DNMT1: variants seen among roughly 807,000 people sequenced by gnomAD.
DNMT1 encodes the protein DNA (cytosine-5)-methyltransferase 1.
In DNMT1, 24 loss-of-function variants were observed where a neutral mutation model predicts 205.3. The observed-to-expected ratio is 0.12, with a 90% CI of 0.08 to 0.16. DNMT1 has a LOEUF of 0.16. DNMT1 is among the 10% of genes least tolerant of loss of function. The pLI, the probability that DNMT1 is intolerant of heterozygous loss-of-function variation, is 1.00. For synonymous variants in DNMT1, 817 were observed against 839.8 expected (o/e 0.97, Z 0.47); for missense variants, 1,293 against 2,177.7 (o/e 0.59, Z 8.09).
At chr19:10,166,554 C>T (rs1156605938) in intron 11 of DNMT1, 44 bp downstream of exon 11, 1 of 1,612,030 alleles carries the variant, frequency 6.2e-7, no homozygotes, top group Non-Finnish European at 8.5e-7. Flanking sequence ...CAAACAGGAG[C>T]AGAAGAATGA....
intron 12 of DNMT1, chr19:10,162,963 GCT>G (rs2038607655): frequency 7.6e-6 from 4 of 526,036 alleles, no homozygotes; most frequent in South Asian, 4.9e-5. Flanking sequence ...TCTAGAACAG[GCT>G]TTTTTTTTTT....
intron 33 of DNMT1, 107 bp from the exon 34 acceptor site, chr19:10,139,924 T>C: frequency 6.3e-7 from 1 of 1,580,470 alleles, no homozygotes; most frequent in Non-Finnish European, 8.6e-7. Flanking sequence ...CTCTCCCTGG[T>C]GAGAGCTGAG....
intron 28 of DNMT1, 117 bp from the exon 29 acceptor site, chr19:10,144,104 G>A: frequency 9.6e-7 from 1 of 1,040,072 alleles, no homozygotes; most frequent in South Asian, 1.3e-5. Flanking sequence ...ATTAAGGTAG[G>A]TGTGTACCCT....
At position 10,138,374 on chromosome 19, in the gene DNMT1, C is replaced by CA. The variant is rs2089533889; in HGVS notation, c.4115+64dup. 6 of 1,610,094 alleles carry CA rather than the reference C, an allele frequency of 3.7e-6. No homozygotes were observed. In the Admixed American group the frequency reaches 1.0e-4, roughly 27 times the overall value. On this transcript the variant is annotated intron_variant, in intron 35 of 40. Coordinates refer to ENST00000359526, the MANE Select transcript of DNMT1 (RefSeq NM_001130823.3). The surrounding 1 kb of genome is among the most constrained non-coding windows in gnomAD (Gnocchi z 4.1). Reference sequence around the variant, plus strand: ...TCCCCAAGCCTCACCAGGGAGTACTCACGGGCCCCATGAGCTACTGAGGCC... The same window carrying CA: ...TCCCCAAGCCTCACCAGGGAGTACTCAACGGGCCCCATGAGCTACTGAGGCC...
chr19:10,180,749 A>G (rs1250688115), intron 3 of DNMT1, 29 bp downstream of exon 3: 1 of 1,606,938 alleles, frequency 6.2e-7, no homozygotes. Flanking sequence ...ACATTTTTCT[A>G]GAGGCTAGGA....
intron 22 of DNMT1, among the ~76,000 whole-genome samples, chr19:10,153,961 C>G (rs1187135319): frequency 1.3e-5 from 2 of 152,166 alleles, no homozygotes; most frequent in South Asian, 2.1e-4. Flanking sequence ...GGACAAAGTG[C>G]CCACTTAGAT....
intron 8 of DNMT1, among the ~76,000 whole-genome samples, chr19:10,173,478 G>A (rs940604502): frequency 1.3e-5 from 2 of 151,016 alleles, no homozygotes; most frequent in Non-Finnish European, 2.9e-5. Flanking sequence ...ACACGATAAA[G>A]TTCTTCTTTT....
rs1568234212 is a variant in DNMT1, at chr19:10,154,424, C to T, written c.1888G>A (p.Gly630Arg). The T allele has an allele frequency of 1.2e-6, 2 of 1,614,194 alleles. No homozygotes were observed. The highest frequency in any genetic ancestry group is 1.1e-5 in the South Asian group (1 of 91,088). Residue 630 changes from glycine (G) to arginine (R), a missense_variant, in exon 22 of 41, where the codon GGA becomes AGA. By Grantham distance (125) the Gly-to-Arg change is moderately radical. Coordinates refer to ENST00000359526, the MANE Select transcript of DNMT1 (RefSeq NM_001130823.3). The surrounding 1 kb of genome is among the most constrained non-coding windows in gnomAD (Gnocchi z 6.3). Reference protein sequence around the residue: ...IRHSTREKDRGPTKATTTKLV... With the variant: ...IRHSTREKDRRPTKATTTKLV... ...TTGGTGGTGGTGGCTTTCGTGGGTCCCCTGTCCTTCTCCCTGGTAGAATGC... is the reference window on the plus strand; with the variant it reads ...TTGGTGGTGGTGGCTTTCGTGGGTCTCCTGTCCTTCTCCCTGGTAGAATGC...
chr19:10,148,619 C>T (rs377449421), intron 27 of DNMT1, among the ~76,000 whole-genome samples: 20 of 152,100 alleles, frequency 1.3e-4, no homozygotes, highest in South Asian at 4.2e-4. Flanking sequence ...GAAGAACACA[C>T]GGGAAGTCTT....
At chr19:10,144,971 T>C (rs2038167439) in intron 28 of DNMT1, among the ~76,000 whole-genome samples, 1 of 152,244 alleles carries the variant, frequency 6.6e-6, no homozygotes, top group Non-Finnish European at 1.5e-5. Flanking sequence ...CTTGAACTCC[T>C]GACAGGCATG....
Position 10,154,613 on chromosome 19 carries a change from T to G in DNMT1, c.1805A>C (p.Lys602Thr). The G allele has an allele frequency of 6.2e-7, 1 of 1,614,054 alleles. No individual in the cohort carries two copies. Among genetic ancestry groups the G allele is most frequent in the Non-Finnish European group, 8.5e-7 (1 of 1,179,962 alleles). ...CTGTCCCAGCGTGACCCCAGCCAGC[T>G]TGATCAGGTCCCGCATGCAGGGTGT... ...FLTPCMRDLI[K>T]LAGVTLGQRR... The change falls in exon 21 of 41, where the codon AAG becomes ACG. Residue 602 changes from lysine to threonine, a missense_variant. By Grantham distance (78) the Lys-to-Thr change is moderately conservative (BLOSUM62 -1). Around this residue, in one of 13 missense-constraint regions of DNMT1, gnomAD observed 197 missense variants for 353.6 expected, o/e 0.56. Transcript: ENST00000359526. This position sits in a 1 kb window ranked among gnomAD's most constrained non-coding sequence, Gnocchi z 6.3.
chr19:10,155,175 A>C, intron 19 of DNMT1, 119 bp from the exon 20 acceptor site: 1 of 1,347,092 alleles, frequency 7.4e-7, no homozygotes, highest in Non-Finnish European at 1.0e-6. Context: ...TCCCGTACCC[A>C]AATGTCAGAA....
chr19:10,163,086 C>T (rs541751242), intron 12 of DNMT1: 6 of 578,086 alleles, frequency 1.0e-5, no homozygotes, highest in South Asian at 4.0e-5. Flanking sequence ...CTCAGCCTTC[C>T]GAGTAGCTGG....
rs1169725891 is a variant in DNMT1, at chr19:10,159,621, T to C, written c.1280+37A>G. The C allele has an allele frequency of 6.2e-7, 1 of 1,608,462 alleles. No individual in the cohort carries two copies. The highest frequency in any genetic ancestry group is 8.5e-7 in the Non-Finnish European group (1 of 1,175,218). The stretch of plus-strand genomic sequence containing the variant: ...CAGGCACCTCTGGGGATGTGCCTCC[T>C]TCCACGAAGCAAACATGCACACGAA... On this transcript the variant is annotated intron_variant, in intron 17 of 40. Coordinates refer to ENST00000359526, the MANE Select transcript of DNMT1 (RefSeq NM_001130823.3). This position sits in a 1 kb window ranked among gnomAD's most constrained non-coding sequence, Gnocchi z 5.0.
Position 10,140,347 on chromosome 19 carries a change from A to G in DNMT1, c.3524-19T>C. 1 of 1,612,628 alleles carries G rather than the reference A, an allele frequency of 6.2e-7. No individual in the cohort carries two copies. The highest frequency in any genetic ancestry group is 8.5e-7 in the Non-Finnish European group (1 of 1,179,958). On this transcript the variant is annotated intron_variant, in intron 32 of 40. Transcript: ENST00000359526. The surrounding 1 kb of genome is among the most constrained non-coding windows in gnomAD (Gnocchi z 8.4). ...GAGATGCCTGGCAGATCAAGCACGA[A>G]GCCATGCTTTCAACTCTCCAGAAGA...
chr19:10,183,500 A>T (rs2039120961), intron 1 of DNMT1, among the ~76,000 whole-genome samples: 1 of 152,174 alleles, frequency 6.6e-6, no homozygotes, highest in Admixed American at 6.6e-5. Context: ...CGAGCGGATC[A>T]CTTGAGCCCA....
chr19:10,173,629 T>A (rs1227336917), intron 8 of DNMT1, among the ~76,000 whole-genome samples: 2 of 151,814 alleles, frequency 1.3e-5, no homozygotes, highest in Admixed American at 1.3e-4. Context: ...GTAGCTGGGA[T>A]TAAAGGCACA....
chr19:10,164,189 G>A (rs1460633233), intron 11 of DNMT1, among the ~76,000 whole-genome samples: 2 of 152,104 alleles, frequency 1.3e-5, no homozygotes, highest in African/African-American at 4.8e-5. Flanking sequence ...CACTCTTGTT[G>A]CCCAGGCTGG....
At chr19:10,173,010 T>C in intron 9 of DNMT1, 80 bp downstream of exon 9, 3 of 1,534,864 alleles carry the variant, frequency 2.0e-6, no homozygotes, top group South Asian at 1.1e-5. Context: ...CCCCACCCCC[T>C]GTCCCCACGT....
Sources: allele counts gnomAD v4.1 joint callset (sites outside exome capture counted in the v4.1 genomes callset), GRCh38; gene constraint gnomAD v4.1.1; regional missense constraint gnomAD v4.1.1; non-coding constraint Gnocchi (gnomAD v3.1); transcripts MANE v1.5; gene names NCBI Gene and HGNC (gene_info 2026-07-23, HGNC 2026-07-21).